Variants in IL31RA observed in about 807,000 individuals in gnomAD.
IL31RA encodes the protein interleukin-31 receptor subunit alpha.
IL31RA carries 66 observed loss-of-function variants against 83.7 expected under a neutral mutation model. The observed-to-expected ratio is 0.79, with a 90% CI of 0.65 to 0.97. The LOEUF (loss-of-function observed/expected upper bound fraction) is 0.97, where lower values mean the gene tolerates loss of function less well. IL31RA is among the 50% of genes least tolerant of loss of function. IL31RA has a pLI of 0.00. For missense variants in IL31RA, 798 were observed against 919.4 expected (o/e 0.87, Z 1.71); for synonymous variants, 325 against 329.0 (o/e 0.99, Z 0.13).
intron 8 of IL31RA, among the ~76,000 whole-genome samples, chr5:55,900,889 CT>C (rs1457168811): frequency 6.6e-6 from 1 of 151,846 alleles, no homozygotes; most frequent in Non-Finnish European, 1.5e-5. Context: ...GTTTTCCTTT[CT>C]TTTTTTTAAC....
intron 12 of IL31RA, among the ~76,000 whole-genome samples, chr5:55,911,718 T>C (rs1009714030): frequency 6.6e-6 from 1 of 152,160 alleles, no homozygotes; most frequent in African/African-American, 2.4e-5. Context: ...TTAATTTTGC[T>C]AAGTCCTTGA....
intron 4 of IL31RA, among the ~76,000 whole-genome samples, chr5:55,879,137 A>G (rs1747032473): frequency 6.6e-6 from 1 of 152,132 alleles, no homozygotes. Flanking sequence ...AAGTTAGGCA[A>G]AACAGAGACC....
intron 2 of IL31RA, among the ~76,000 whole-genome samples, chr5:55,859,842 C>A (rs911743967): frequency 1.3e-5 from 2 of 152,188 alleles, no homozygotes; most frequent in Admixed American, 6.5e-5. Flanking sequence ...ATACAACCCC[C>A]AAAATGCTGA....
Position 55,903,614 on chromosome 5 carries a change from C to G in IL31RA, c.1070-2492C>G, listed in dbSNP as rs998195208. On this transcript the variant is annotated intron_variant, in intron 8 of 14. Coordinates refer to ENST00000652347, the MANE Select transcript of IL31RA (RefSeq NM_139017.7). This position sits in a 1 kb window ranked among gnomAD's most constrained non-coding sequence, Gnocchi z 4.7. ...TCCGCAGTCTCTGCAGTGCACTTGG[C>G]GCTTTAGACCCGGATCTCCCTGCTC... Among the ~76,000 whole-genome samples, 1 of 152,190 alleles carries G rather than the reference C, an allele frequency of 6.6e-6. No individual in the cohort carries two copies. Among genetic ancestry groups the G allele is most frequent in the African/African-American group, 2.4e-5 (1 of 41,446 alleles).
chr5:55,851,650 G>T lies in IL31RA; in HGVS notation c.63+17G>T. The T allele has an allele frequency of 6.2e-7, 1 of 1,613,806 alleles. No individual in the cohort carries two copies. The highest frequency in any genetic ancestry group is 8.5e-7 in the Non-Finnish European group (1 of 1,179,798). On this transcript the variant is annotated intron_variant, in intron 1 of 14. Coordinates refer to ENST00000652347, the MANE Select transcript of IL31RA (RefSeq NM_139017.7). ...CAAAACATTGTGAGTATTGATTTGGGGGGTTACAAATAATTCCTAGCAAGT... is the reference window on the plus strand; with the variant it reads ...CAAAACATTGTGAGTATTGATTTGGTGGGTTACAAATAATTCCTAGCAAGT...
intron 2 of IL31RA, among the ~76,000 whole-genome samples, chr5:55,861,250 T>G (rs1048948592): frequency 2.6e-5 from 4 of 152,148 alleles, no homozygotes; most frequent in Non-Finnish European, 5.9e-5. Flanking sequence ...CTTAGCCCCT[T>G]GGGGTTACAC....
intron 5 of IL31RA, among the ~76,000 whole-genome samples, chr5:55,885,205 CAT>C (rs368982679): frequency 2.0e-5 from 3 of 152,034 alleles, no homozygotes; most frequent in African/African-American, 7.3e-5. Flanking sequence ...TGTGGAAACC[CAT>C]AGACACCCTG....
chr5:55,908,575 C>T, intron 11 of IL31RA, 164 bp downstream of exon 11: 3 of 1,555,690 alleles, frequency 1.9e-6, no homozygotes, highest in South Asian at 1.2e-5. Flanking sequence ...AGAGCACCCA[C>T]CTTTTGGGGT....
chr5:55,840,140 T>C, the IL31RA span: 7 of 289,706 alleles, frequency 2.4e-5, no homozygotes, highest in Admixed American at 2.2e-4. Flanking sequence ...TCTATGCTCC[T>C]GAGATTATGG....
At position 55,894,123 on chromosome 5, in the gene IL31RA, A is replaced by ATT. The variant is rs751218683; in HGVS notation, c.773-2215_773-2214dup. Among the ~76,000 whole-genome samples, 552 of 145,916 alleles carry ATT rather than the reference A, an allele frequency of 3.8e-3. 4 individuals carry two copies. The highest frequency in any genetic ancestry group is 0.013 in the African/African-American group (532 of 39,906). ...GTAGTAATGAACACCTTGTCTTTAG[A>ATT]TTTTTTTTTTTTTCTTACTCTCAAT... On this transcript the variant is annotated intron_variant, in intron 6 of 14. Transcript: ENST00000652347.
chr5:55,847,281 AAAT>A (rs1744958078), upstream of IL31RA, among the ~76,000 whole-genome samples: 1 of 147,524 alleles, frequency 6.8e-6, no homozygotes, highest in Non-Finnish European at 1.5e-5. Flanking sequence ...ATAAATAAAT[AAAT>A]AAAAAGAAAA....
rs1056974778 is a variant in IL31RA, at chr5:55,908,278, T to C, written c.1368T>C (p.Gly456=). The C allele has an allele frequency of 6.2e-7, 1 of 1,614,102 alleles. No individual in the cohort carries two copies. Reference sequence around the variant, plus strand: ...TGTCCTTTCCAGTTCCATCAGAAGGTCCTGAGACCAAGGTGGAGAACATTG... The same window carrying C: ...TGTCCTTTCCAGTTCCATCAGAAGGCCCTGAGACCAAGGTGGAGAACATTG... ...AYAKEGVPSE[G]PETKVENIGV... Residue 456 remains glycine, a synonymous_variant, in exon 11 of 15, where the codon GGT becomes GGC. Transcript: ENST00000652347.
At chr5:55,905,711 C>T (rs1327677877) in intron 8 of IL31RA, among the ~76,000 whole-genome samples, 1 of 152,186 alleles carries the variant, frequency 6.6e-6, no homozygotes, top group African/African-American at 2.4e-5. Context: ...TTTAAGGTCA[C>T]CATCTCCCAG....
intron 4 of IL31RA, among the ~76,000 whole-genome samples, chr5:55,874,308 T>C (rs1220262145): frequency 6.6e-6 from 1 of 152,134 alleles, no homozygotes; most frequent in Admixed American, 6.5e-5. Flanking sequence ...TTGATTACTG[T>C]AGCCTTATAA....
At chr5:55,850,870 C>A (rs950077330), upstream of IL31RA, among the ~76,000 whole-genome samples, 1 of 152,076 alleles carries the variant, frequency 6.6e-6, no homozygotes, top group Non-Finnish European at 1.5e-5. Context: ...GCAGGTGGAT[C>A]ACCTGAGGTC....
At position 55,919,383 on chromosome 5, in the gene IL31RA, T is replaced by C. The variant is rs895009835; in HGVS notation, c.*2263T>C. On this transcript the variant is annotated 3_prime_UTR_variant, in exon 15 of 15. Coordinates refer to ENST00000652347, the MANE Select transcript of IL31RA (RefSeq NM_139017.7). The stretch of plus-strand genomic sequence containing the variant: ...GAAAATGGATCCCCAATGGCTCCTG[T>C]GAGTGGATTCCAGAGATAAGGATGT... 6.6e-6 allele frequency among the ~76,000 whole-genome samples: 1 copy of C among 152,218 alleles called. No individual in the cohort carries two copies. The highest frequency in any genetic ancestry group is 2.4e-5 in the African/African-American group (1 of 41,446).
chr5:55,897,586 A>T (rs565177726), intron 7 of IL31RA, among the ~76,000 whole-genome samples: 3 of 152,168 alleles, frequency 2.0e-5, no homozygotes, highest in Admixed American at 2.0e-4. Flanking sequence ...GTGGGGCACA[A>T]AAACAGAAGA....
At chr5:55,850,608 T>TC (rs1014721067), upstream of IL31RA, among the ~76,000 whole-genome samples, 2 of 152,184 alleles carry the variant, frequency 1.3e-5, no homozygotes, top group Non-Finnish European at 2.9e-5. Flanking sequence ...TCAAGTTTTT[T>TC]CCCCCCATCT....
At chr5:55,885,572 A>G (rs1395365593) in intron 5 of IL31RA, among the ~76,000 whole-genome samples, 4 of 152,076 alleles carry the variant, frequency 2.6e-5, no homozygotes, top group Non-Finnish European at 4.4e-5. Context: ...GCGGGTCCCC[A>G]GTCTGTTGTC....
Sources: allele counts gnomAD v4.1 joint callset (sites outside exome capture counted in the v4.1 genomes callset), GRCh38; gene constraint gnomAD v4.1.1; non-coding constraint Gnocchi (gnomAD v3.1); transcripts MANE v1.5; gene names NCBI Gene and HGNC (gene_info 2026-07-23, HGNC 2026-07-21).